The following FRMD5 variants were observed in gnomAD, a reference collection of about 807,000 sequenced individuals.
FRMD5 encodes the protein FERM domain-containing protein 5.
In FRMD5, 20 loss-of-function variants were observed where a neutral mutation model predicts 69.0. The observed-to-expected ratio is 0.29, with a 90% confidence interval of 0.20 to 0.42. The LOEUF (loss-of-function observed/expected upper bound fraction) is 0.42. FRMD5 is among the 10% of genes least tolerant of loss of function. FRMD5 has a pLI of 1.00. For synonymous variants in FRMD5, 271 were observed against 260.1 expected (o/e 1.04, Z -0.40); for missense variants, 595 against 708.6 (o/e 0.84, Z 1.82).
intron 1 of FRMD5, among the ~76,000 whole-genome samples, chr15:43,994,347 A>G (rs1889825578): frequency 6.6e-6 from 1 of 152,216 alleles, no homozygotes; most frequent in East Asian, 1.9e-4. Context: ...AAAAAACTCA[A>G]TACTTTTACT....
At position 44,124,879 on chromosome 15, in the gene FRMD5, T is replaced by C. The variant is rs541852505; in HGVS notation, c.102+70074A>G. On this transcript the variant is annotated intron_variant, in intron 1 of 13. Transcript: ENST00000417257. ...ATATCCAGAAGCCAGGCGTGGTGGA[T>C]TGAGCAGAAGAGGACGGGAAGATCG... Among the ~76,000 whole-genome samples, 35 of 152,118 alleles carry C rather than the reference T, an allele frequency of 2.3e-4. 1 individual carries two copies. In the South Asian group the frequency reaches 7.1e-3, roughly 31 times the overall value.
At chr15:43,997,067 A>G (rs1889966554) in intron 1 of FRMD5, among the ~76,000 whole-genome samples, 1 of 152,188 alleles carries the variant, frequency 6.6e-6, no homozygotes, top group African/African-American at 2.4e-5. Context: ...TACTCTAGTC[A>G]TGATGAGAAG....
intron 1 of FRMD5, among the ~76,000 whole-genome samples, chr15:44,012,815 G>T (rs1890783043): frequency 1.4e-5 from 2 of 139,500 alleles, no homozygotes; most frequent in Admixed American, 1.5e-4. Flanking sequence ...TGCCCAGGCT[G>T]GAGTGCAATG....
intron 1 of FRMD5, among the ~76,000 whole-genome samples, chr15:44,120,854 T>C (rs1049583316): frequency 6.6e-6 from 1 of 151,852 alleles, no homozygotes; most frequent in African/African-American, 2.4e-5. Flanking sequence ...GAAGATGAGA[T>C]GATGAACATG....
chr15:44,107,533 A>C (rs1426125385), intron 1 of FRMD5, among the ~76,000 whole-genome samples: 1 of 152,022 alleles, frequency 6.6e-6, no homozygotes, highest in Admixed American at 6.6e-5. Context: ...TTGGATATCT[A>C]TTCTCTCTTG....
chr15:44,048,736 C>A (rs1892534445), intron 1 of FRMD5, among the ~76,000 whole-genome samples: 1 of 152,034 alleles, frequency 6.6e-6, no homozygotes, highest in Non-Finnish European at 1.5e-5. Flanking sequence ...CCATGCCTGG[C>A]TAATTTTTGT....
rs144817852 is a variant in FRMD5 at position 44,027,392 on chromosome 15, C to G, written c.103-103083G>C. On this transcript the variant is annotated intron_variant, in intron 1 of 13. Transcript: ENST00000417257. ...ATATTTAGTTCCTCTTGTTATGTAA[C>G]ATGGAATATTTGGAAAGAATTAAGT... Among the ~76,000 whole-genome samples, 31 of 152,196 alleles carry G rather than the reference C, an allele frequency of 2.0e-4. No homozygotes were observed. The East Asian group carries it at 5.4e-3, about 27-fold the overall frequency.
chr15:44,119,148 G>A (rs1463597111), intron 1 of FRMD5, among the ~76,000 whole-genome samples: 1 of 151,906 alleles, frequency 6.6e-6, no homozygotes, highest in African/African-American at 2.4e-5. Flanking sequence ...GTAGAGACAG[G>A]GTCTTACCAT....
At chr15:43,997,563 T>A (rs1324915120) in intron 1 of FRMD5, among the ~76,000 whole-genome samples, 1 of 152,178 alleles carries the variant, frequency 6.6e-6, no homozygotes, top group Non-Finnish European at 1.5e-5. Context: ...AGAAACTGTC[T>A]CCTTGCCTGT....
intron 1 of FRMD5, among the ~76,000 whole-genome samples, chr15:44,180,241 T>C (rs1052176242): frequency 6.6e-6 from 1 of 152,034 alleles, no homozygotes; most frequent in Admixed American, 6.6e-5. Context: ...ATAGATAAGA[T>C]TAAATGAAAG....
intron 1 of FRMD5, among the ~76,000 whole-genome samples, chr15:44,053,626 C>T (rs1489897696): frequency 6.6e-6 from 1 of 151,992 alleles, no homozygotes; most frequent in Non-Finnish European, 1.5e-5. Flanking sequence ...TAAGGCAAGA[C>T]CTAGGTTTCT....
chr15:44,063,742 CAA>C, intron 1 of FRMD5: 1 of 326,320 alleles, frequency 3.1e-6, no homozygotes, highest in Admixed American at 3.8e-5. Context: ...CATCATCTTC[CAA>C]GAGAGAGATC....
chr15:44,157,331 T>C (rs1217284527), intron 1 of FRMD5, among the ~76,000 whole-genome samples: 2 of 152,214 alleles, frequency 1.3e-5, no homozygotes, highest in East Asian at 1.9e-4. Flanking sequence ...GGCAATATTC[T>C]ATATTTGTAA....
intron 1 of FRMD5, among the ~76,000 whole-genome samples, chr15:44,012,334 C>T (rs1047078296): frequency 3.9e-5 from 6 of 152,188 alleles, no homozygotes; most frequent in African/African-American, 1.4e-4. Flanking sequence ...AAACACTCTG[C>T]AGATATTCTT....
chr15:43,926,496 C>G (rs148614627), intron 1 of FRMD5, among the ~76,000 whole-genome samples: 1 of 152,262 alleles, frequency 6.6e-6, no homozygotes, highest in African/African-American at 2.4e-5. Context: ...TGGCCCTGCC[C>G]CAAGAATGAG....
At chr15:44,014,231 G>C (rs1595624568) in intron 1 of FRMD5, among the ~76,000 whole-genome samples, 1 of 152,032 alleles carries the variant, frequency 6.6e-6, no homozygotes, top group Non-Finnish European at 1.5e-5. Context: ...CAGCTGTGAT[G>C]GGGGGAAAAG....
In FRMD5 at chr15:43,984,414, C is replaced by T. The variant is rs55838245; in HGVS notation, c.103-60105G>A. 7.9e-3 allele frequency among the ~76,000 whole-genome samples: 1,207 copies of T among 152,290 alleles called. 8 individuals are homozygous for T. The highest frequency in any genetic ancestry group is 0.013 in the Non-Finnish European group (878 of 68,024). On this transcript the variant is annotated intron_variant, in intron 1 of 13. Coordinates refer to ENST00000417257, the MANE Select transcript of FRMD5 (RefSeq NM_032892.5). ...CCCCCAGTGGACAGCAGCTTAGGCA[C>T]CAGTGGGCAGGCACAGAGCAGGCAG...
chr15:44,140,348 A>C (rs1002584311), intron 1 of FRMD5, among the ~76,000 whole-genome samples: 1 of 152,114 alleles, frequency 6.6e-6, no homozygotes, highest in African/African-American at 2.4e-5. Flanking sequence ...ATTATGAAAT[A>C]CTAAAACTGA....
chr15:44,015,384 C>G (rs1285112345), intron 1 of FRMD5, among the ~76,000 whole-genome samples: 1 of 152,092 alleles, frequency 6.6e-6, no homozygotes, highest in African/African-American at 2.4e-5. Context: ...TCAAGTAACT[C>G]TTCTGTCTTG....
Sources: allele counts gnomAD v4.1 joint callset (sites outside exome capture counted in the v4.1 genomes callset), GRCh38; gene constraint gnomAD v4.1.1; transcripts MANE v1.5; gene names NCBI Gene and HGNC (gene_info 2026-07-23, HGNC 2026-07-21).